Variants in PCDH9 observed in about 807,000 individuals in gnomAD.
PCDH9 encodes the protein protocadherin-9.
Under a neutral mutation model 70.6 loss-of-function variants are expected in PCDH9, and 24 were observed. The ratio of observed to expected loss-of-function variants is 0.34; its 90% CI spans 0.25 to 0.48. PCDH9 has a LOEUF of 0.48. PCDH9 is among the 20% of genes least tolerant of loss of function. PCDH9 has a pLI of 0.99. For missense variants in PCDH9, 1,281 were observed against 1,503.6 expected (o/e 0.85, Z 2.45); for synonymous variants, 562 against 558.5 (o/e 1.01, Z -0.09).
chr13:66,942,169 T>A (rs909087654), intron 2 of PCDH9, among the ~76,000 whole-genome samples: 1 of 151,882 alleles, frequency 6.6e-6, no homozygotes, highest in Non-Finnish European at 1.5e-5. Context: ...ACAAAAGCAG[T>A]ACTTTTAGAA....
At chr13:66,517,092 G>T (rs1225566827) in intron 4 of PCDH9, among the ~76,000 whole-genome samples, 2 of 152,056 alleles carry the variant, frequency 1.3e-5, no homozygotes, top group Non-Finnish European at 2.9e-5. Context: ...TAGACAAGAA[G>T]TTTGCCCACA....
intron 3 of PCDH9, among the ~76,000 whole-genome samples, chr13:66,849,490 A>G (rs2081273349): frequency 2.0e-5 from 1 of 50,320 alleles, no homozygotes; most frequent in Non-Finnish European, 3.8e-5. Context: ...AGGTAGGTAT[A>G]TATATATATA....
intron 4 of PCDH9, among the ~76,000 whole-genome samples, chr13:66,372,696 C>A (rs1486921482): frequency 6.6e-6 from 1 of 151,672 alleles, no homozygotes; most frequent in East Asian, 2.0e-4. Context: ...AGCCCCTAAG[C>A]ACACAAATAT....
chr13:66,849,492 A>ATG (rs2139449705), intron 3 of PCDH9, among the ~76,000 whole-genome samples: 1 of 49,090 alleles, frequency 2.0e-5, no homozygotes, highest in Non-Finnish European at 3.9e-5. Flanking sequence ...GTAGGTATAT[A>ATG]TATATATATA....
At position 66,702,483 on chromosome 13, in the gene PCDH9, A is replaced by C. The variant is rs143000262; in HGVS notation, c.3139-71072T>G. ...GTTATGTGGGATAAATAACTTCTAAAGATCTAATGTGTAACATGGAGACTA... is the reference window on the plus strand; with the variant it reads ...GTTATGTGGGATAAATAACTTCTAACGATCTAATGTGTAACATGGAGACTA... On this transcript the variant is annotated intron_variant, in intron 3 of 4. Coordinates refer to ENST00000377865, the MANE Select transcript of PCDH9 (RefSeq NM_203487.3). Among the ~76,000 whole-genome samples, 141 of 152,316 alleles carry C rather than the reference A, an allele frequency of 9.3e-4. 1 individual carries two copies. Among genetic ancestry groups the C allele is most frequent in the African/African-American group, 3.4e-3 (140 of 41,566 alleles).
At chr13:66,537,668 TAAG>T (rs974256497) in intron 4 of PCDH9, among the ~76,000 whole-genome samples, 6 of 152,104 alleles carry the variant, frequency 3.9e-5, no homozygotes, top group Non-Finnish European at 8.8e-5. Flanking sequence ...TCTGGACTGT[TAAG>T]AAGGCTTTAG....
chr13:66,999,831 C>G (rs1357227252), intron 2 of PCDH9, among the ~76,000 whole-genome samples: 2 of 152,118 alleles, frequency 1.3e-5, no homozygotes, highest in African/African-American at 4.8e-5. Flanking sequence ...AGTCAGGAAA[C>G]AACAGGTGCT....
chr13:66,762,900 T>C (rs558192924), intron 3 of PCDH9, among the ~76,000 whole-genome samples: 3 of 152,176 alleles, frequency 2.0e-5, no homozygotes, highest in African/African-American at 7.2e-5. Flanking sequence ...ATGAATCAGT[T>C]CATATTTAAA....
intron 3 of PCDH9, among the ~76,000 whole-genome samples, chr13:66,731,966 G>A (rs1305249802): frequency 6.6e-6 from 1 of 151,836 alleles, no homozygotes; most frequent in Non-Finnish European, 1.5e-5. Flanking sequence ...ATATGTGGAA[G>A]GCTATAAGCA....
chr13:66,482,841 T>C (rs979922088), intron 4 of PCDH9, among the ~76,000 whole-genome samples: 4 of 152,208 alleles, frequency 2.6e-5, no homozygotes, highest in Admixed American at 2.6e-4. Flanking sequence ...AGAAATCCAA[T>C]CTGCATCACT....
chr13:66,718,442 G>A (rs2078899174), intron 3 of PCDH9, among the ~76,000 whole-genome samples: 1 of 152,052 alleles, frequency 6.6e-6, no homozygotes, highest in South Asian at 2.1e-4. Flanking sequence ...GACTCCAGAT[G>A]TAGTTAATTT....
In PCDH9 at chr13:67,230,193, G is replaced by A. The variant is rs1016391890; in HGVS notation, c.-549C>T. The stretch of plus-strand genomic sequence containing the variant: ...GATGATGATTCTCTGACAGCTATCC[G>A]GGTGACAGTTGCCCGAAAAATTCCT... On this transcript the variant is annotated 5_prime_UTR_variant, in exon 1 of 5. Transcript: ENST00000377865. The A allele has an allele frequency of 6.6e-6, 1 of 152,180 alleles. No homozygotes were observed. Among genetic ancestry groups the A allele is most frequent in the African/African-American group, 2.4e-5 (1 of 41,422 alleles). The allele number at this position is 152,180 out of a possible 1,614,324, so 9.4% of individuals were successfully genotyped here.
intron 3 of PCDH9, among the ~76,000 whole-genome samples, chr13:66,723,184 T>C (rs2078964382): frequency 6.6e-6 from 1 of 152,098 alleles, no homozygotes; most frequent in African/African-American, 2.4e-5. Flanking sequence ...GGTACCTCAT[T>C]CTTTATTTGC....
chr13:66,338,992 T>C (rs148947129), intron 4 of PCDH9, among the ~76,000 whole-genome samples: 2 of 152,200 alleles, frequency 1.3e-5, no homozygotes, highest in African/African-American at 4.8e-5. Flanking sequence ...CAGTGGCAGA[T>C]TCTTGGCAGT....
intron 4 of PCDH9, among the ~76,000 whole-genome samples, chr13:66,538,121 C>T (rs1229164788): frequency 2.0e-5 from 3 of 152,008 alleles, no homozygotes; most frequent in African/African-American, 7.2e-5. Context: ...GGTGTTCAGA[C>T]AATACAAATG....
At chr13:66,808,393 T>C (rs2080444397) in intron 3 of PCDH9, among the ~76,000 whole-genome samples, 1 of 152,298 alleles carries the variant, frequency 6.6e-6, no homozygotes, top group South Asian at 2.1e-4. Context: ...GCAATATGGG[T>C]TTACTATTTA....
In PCDH9 at chr13:67,226,729, T is replaced by C. The variant is rs2089883552; in HGVS notation, c.1712A>G (p.Lys571Arg). 6.2e-7 allele frequency: 1 copy of C among 1,614,136 alleles called. No homozygotes were observed. Among genetic ancestry groups the C allele is most frequent in the Non-Finnish European group, 8.5e-7 (1 of 1,179,996 alleles). Residue 571 changes from lysine (K) to arginine (R), a missense_variant, in exon 2 of 5, where the codon AAG (lysine) becomes AGG (arginine). By Grantham distance (26) the Lys-to-Arg change is conservative (BLOSUM62 2). Around this residue, in one of 4 missense-constraint regions of PCDH9, gnomAD observed 798 missense variants for 1,003.1 expected, o/e 0.80. Coordinates refer to ENST00000377865, the MANE Select transcript of PCDH9 (RefSeq NM_203487.3). This position sits in a 1 kb window ranked among gnomAD's most constrained non-coding sequence, Gnocchi z 5.0. The stretch of plus-strand genomic sequence containing the variant: ...AAATTGAAAATGATTATGAGTAAAC[T>C]TGGGGCTATTGTCATTCTCATCCAG... The part of the protein sequence containing the change: ...TVLDENDNSP[K>R]FTHNHFQFFV...
At chr13:67,184,499 C>A (rs545421309) in intron 2 of PCDH9, among the ~76,000 whole-genome samples, 2 of 152,086 alleles carry the variant, frequency 1.3e-5, no homozygotes, top group Admixed American at 6.6e-5. Context: ...GAGGCTAAGG[C>A]GGGCAGTCTC....
chr13:66,489,485 T>C (rs1958998579), intron 4 of PCDH9, among the ~76,000 whole-genome samples: 1 of 152,160 alleles, frequency 6.6e-6, no homozygotes, highest in Non-Finnish European at 1.5e-5. Context: ...AAATTTTTTC[T>C]ATTTTTTGTA....
Sources: gnomAD v4.1 joint callset for allele counts (sites outside exome capture counted in the v4.1 genomes callset) on GRCh38, gnomAD v4.1.1 for gene constraint, gnomAD v4.1.1 regional missense constraint, Gnocchi (gnomAD v3.1) non-coding constraint, MANE v1.5 for transcripts, NCBI Gene and HGNC (gene_info 2026-07-23, HGNC 2026-07-21) for gene names.